Variants in CDK14 observed in about 807,000 individuals in gnomAD.
The protein encoded by CDK14 is cyclin-dependent kinase 14.
CDK14 carries 34 observed loss-of-function variants against 60.7 expected under a neutral mutation model. The observed-to-expected ratio is 0.56, with a 90% CI of 0.43 to 0.75. The LOEUF (loss-of-function observed/expected upper bound fraction) is 0.75, where lower values mean the gene tolerates loss of function less well. Ranked by LOEUF, CDK14 falls within the 30% of genes least tolerant of loss-of-function variation. The pLI is 0.00. For missense variants in CDK14, 482 were observed against 564.1 expected (o/e 0.85, Z 1.47); for synonymous variants, 197 against 203.7 (o/e 0.97, Z 0.28).
chr7:91,043,954 G>A (rs148528598), intron 10 of CDK14, among the ~76,000 whole-genome samples: 1 of 152,138 alleles, frequency 6.6e-6, no homozygotes, highest in Non-Finnish European at 1.5e-5. Context: ...TTTGAGCCCT[G>A]TATTACCTTA....
intron 2 of CDK14, among the ~76,000 whole-genome samples, chr7:90,663,646 C>G (rs1260990485): frequency 6.6e-6 from 1 of 152,196 alleles, no homozygotes; most frequent in Non-Finnish European, 1.5e-5. Context: ...AAATTCATTG[C>G]AACCTTCAGT....
intron 5 of CDK14, among the ~76,000 whole-genome samples, chr7:90,852,860 C>T (rs1790695681): frequency 6.6e-6 from 1 of 152,174 alleles, no homozygotes; most frequent in Admixed American, 6.5e-5. Flanking sequence ...AGGAGGATGA[C>T]TGCCTGAAGG....
chr7:90,882,597 A>G (rs1245375435), intron 6 of CDK14, among the ~76,000 whole-genome samples: 1 of 152,220 alleles, frequency 6.6e-6, no homozygotes, highest in East Asian at 1.9e-4. Flanking sequence ...AAGCAGACCT[A>G]GTAGATATCT....
At chr7:90,995,895 G>A (rs1795670009) in intron 10 of CDK14, among the ~76,000 whole-genome samples, 1 of 152,170 alleles carries the variant, frequency 6.6e-6, no homozygotes, top group South Asian at 2.1e-4. Flanking sequence ...AGCAGTCCCT[G>A]GTTGATGAGT....
intron 12 of CDK14, among the ~76,000 whole-genome samples, chr7:91,111,092 A>G (rs201401600): frequency 6.6e-6 from 1 of 152,172 alleles, no homozygotes; most frequent in East Asian, 1.9e-4. Context: ...TTTTTCGTGA[A>G]CAGCCATTGC....
At chr7:90,766,646 C>T (rs1804574560) in intron 4 of CDK14, among the ~76,000 whole-genome samples, 1 of 152,142 alleles carries the variant, frequency 6.6e-6, no homozygotes, top group Non-Finnish European at 1.5e-5. Context: ...TCTATTCTTA[C>T]CCTACCCTTC....
chr7:90,743,021 T>C (rs1034269023), intron 3 of CDK14, among the ~76,000 whole-genome samples: 2 of 152,124 alleles, frequency 1.3e-5, no homozygotes, highest in African/African-American at 4.8e-5. Context: ...ATAGCCTGAA[T>C]GTAATTTTAT....
chr7:90,645,011 A>G (rs545394820), intron 2 of CDK14, among the ~76,000 whole-genome samples: 1 of 152,310 alleles, frequency 6.6e-6, no homozygotes, highest in South Asian at 2.1e-4. Flanking sequence ...TGGCTCTATA[A>G]AAGTAAGCTT....
At chr7:91,174,489 T>G (rs906124755) in intron 14 of CDK14, among the ~76,000 whole-genome samples, 1 of 151,958 alleles carries the variant, frequency 6.6e-6, no homozygotes, top group Non-Finnish European at 1.5e-5. Flanking sequence ...GAAGAAGGCT[T>G]CAGACGGTCA....
At chr7:90,967,746 A>G (rs955320073) in intron 9 of CDK14, among the ~76,000 whole-genome samples, 1 of 152,222 alleles carries the variant, frequency 6.6e-6, no homozygotes, top group Non-Finnish European at 1.5e-5. Context: ...TGAATCCAAA[A>G]AAAAGCTTGC....
Position 91,087,697 on chromosome 7 carries a change from G to A in CDK14, c.1154+8217G>A, listed in dbSNP as rs139124767. Among the ~76,000 whole-genome samples, 22 of 152,102 alleles carry A rather than the reference G, an allele frequency of 1.4e-4. No homozygotes were observed. In the South Asian group the frequency reaches 3.5e-3, roughly 24 times the overall value. On this transcript the variant is annotated intron_variant, in intron 12 of 14. Coordinates refer to ENST00000380050, the MANE Select transcript of CDK14 (RefSeq NM_001287135.2). ...CAGTGAGAGCGTTTCATTCAGCTCC[G>A]AATAAGCAATTACTCTTGAACATGG...
chr7:90,891,967 T>C (rs922341954), intron 6 of CDK14, among the ~76,000 whole-genome samples: 1 of 152,164 alleles, frequency 6.6e-6, no homozygotes, highest in Non-Finnish European at 1.5e-5. Flanking sequence ...GAGTCAACAA[T>C]TGGAAAACCT....
At chr7:91,184,119 C>T (rs936170850) in intron 14 of CDK14, among the ~76,000 whole-genome samples, 2 of 146,066 alleles carry the variant, frequency 1.4e-5, no homozygotes, top group Non-Finnish European at 3.0e-5. Context: ...GCAGGAGAAT[C>T]ACTTGAACCC....
At position 90,744,810 on chromosome 7, in the gene CDK14, G is replaced by T. The variant is rs1396053898; in HGVS notation, c.370-2871G>T. 3.9e-5 allele frequency among the ~76,000 whole-genome samples: 4 copies of T among 101,790 alleles called. 1 individual carries two copies. Among genetic ancestry groups the T allele is most frequent in the Non-Finnish European group, 8.8e-5 (4 of 45,472 alleles). The allele number at this position is 101,790 out of a possible 152,430, so 66.8% of individuals were successfully genotyped here. On this transcript the variant is annotated intron_variant, in intron 3 of 14. Transcript: ENST00000380050. The stretch of plus-strand genomic sequence containing the variant: ...TGCCGGACGGGGCGGCTGGCCGGGC[G>T]GGGGGCTGACGCCCCCACCTCCCTC...
At chr7:90,782,039 T>C (rs908296026) in intron 4 of CDK14, among the ~76,000 whole-genome samples, 6 of 152,166 alleles carry the variant, frequency 3.9e-5, no homozygotes, top group South Asian at 2.1e-4. Flanking sequence ...TTGATTCTTC[T>C]TACCCATGAG....
intron 10 of CDK14, among the ~76,000 whole-genome samples, chr7:91,003,478 TC>T (rs1795896495): frequency 6.6e-6 from 1 of 152,116 alleles, no homozygotes; most frequent in South Asian, 2.1e-4. Flanking sequence ...AAAAAATAAA[TC>T]GTTTGTTCCT....
At position 91,205,230 on chromosome 7, in the gene CDK14, A is replaced by G. The variant is rs557865661; in HGVS notation, c.*29-1935A>G. The stretch of plus-strand genomic sequence containing the variant: ...GAAAACAGTGTTTAAACAAATACTT[A>G]TACATGAATATTCAGAGCAGCACTA... On this transcript the variant is annotated intron_variant, in intron 14 of 14. Coordinates refer to ENST00000380050, the MANE Select transcript of CDK14 (RefSeq NM_001287135.2). Among the ~76,000 whole-genome samples, 36 of 152,358 alleles carry G rather than the reference A, an allele frequency of 2.4e-4. No homozygotes were observed. The South Asian group carries it at 3.5e-3, about 15-fold the overall frequency.
chr7:91,129,815 G>A (rs998558032), intron 14 of CDK14, among the ~76,000 whole-genome samples: 3 of 152,092 alleles, frequency 2.0e-5, no homozygotes, highest in African/African-American at 7.2e-5. Flanking sequence ...ATAAACAAAT[G>A]TGATTTTTTT....
chr7:91,147,233 A>T (rs1184952536), intron 14 of CDK14, among the ~76,000 whole-genome samples: 1 of 149,372 alleles, frequency 6.7e-6, no homozygotes. Context: ...TAGGTATTTT[A>T]TCACTTGGAA....
Sources: gnomAD v4.1 joint callset for allele counts (sites outside exome capture counted in the v4.1 genomes callset) on GRCh38, gnomAD v4.1.1 for gene constraint, MANE v1.5 for transcripts, NCBI Gene and HGNC (gene_info 2026-07-23, HGNC 2026-07-21) for gene names.